The following MAGI1 variants were observed in gnomAD, a reference collection of about 807,000 sequenced individuals.
The protein encoded by MAGI1 is membrane associated guanylate kinase, WW and PDZ domain containing 1.
Under a neutral mutation model 139.9 loss-of-function variants are expected in MAGI1, and 58 were observed. That is an observed-to-expected ratio of 0.41 (90% CI 0.34 to 0.52). MAGI1 has a LOEUF of 0.52. MAGI1 is among the 20% of genes least tolerant of loss of function. MAGI1 has a pLI of 0.12. For missense variants in MAGI1, 1,874 were observed against 1,901.6 expected (o/e 0.99, Z 0.27); for synonymous variants, 812 against 737.9 (o/e 1.10, Z -1.63).
At chr3:65,987,256 C>T (rs1560084986) in intron 1 of MAGI1, among the ~76,000 whole-genome samples, 1 of 152,198 alleles carries the variant, frequency 6.6e-6, no homozygotes, top group Non-Finnish European at 1.5e-5. Flanking sequence ...AGAGCTTGAA[C>T]TCTGCTATTC....
intron 8 of MAGI1, among the ~76,000 whole-genome samples, chr3:65,442,482 C>CTCATTCATTCAT (rs59209688): frequency 5.3e-5 from 8 of 150,964 alleles, no homozygotes; most frequent in African/African-American, 1.9e-4. Context: ...CCTGGCTTTT[C>CTCATTCATTCAT]TCATTCATTC....
intron 5 of MAGI1, among the ~76,000 whole-genome samples, chr3:65,466,295 A>G (rs533798681): frequency 2.0e-5 from 3 of 152,264 alleles, no homozygotes; most frequent in South Asian, 2.1e-4. Flanking sequence ...TCTTAGGATA[A>G]TAAGTGATTT....
intron 1 of MAGI1, among the ~76,000 whole-genome samples, chr3:65,842,745 C>T (rs2058850852): frequency 6.6e-6 from 1 of 152,146 alleles, no homozygotes; most frequent in African/African-American, 2.4e-5. Context: ...TAATTTGTTC[C>T]TTCCTTTCTT....
intron 1 of MAGI1, among the ~76,000 whole-genome samples, chr3:65,756,729 G>A (rs555822502): frequency 4.4e-4 from 67 of 152,152 alleles, no homozygotes; most frequent in African/African-American, 1.5e-3. Flanking sequence ...TGACATATTC[G>A]GAAGTCATCA....
At position 65,636,849 on chromosome 3, in the gene MAGI1, T is replaced by A. The variant is rs145531245; in HGVS notation, c.314-14761A>T. 9.1e-3 allele frequency among the ~76,000 whole-genome samples: 1,387 copies of A among 152,274 alleles called. 26 individuals are homozygous for A. Among genetic ancestry groups the A allele is most frequent in the African/African-American group, 0.032 (1,316 of 41,562 alleles). ...AAAAATCCTGGCACTTGCCATCAAATAGGAAAGACCTCAATGAATTCCAAG... is the reference window on the plus strand; with the variant it reads ...AAAAATCCTGGCACTTGCCATCAAAAAGGAAAGACCTCAATGAATTCCAAG... On this transcript the variant is annotated intron_variant, in intron 1 of 22. Coordinates refer to ENST00000402939, the MANE Select transcript of MAGI1 (RefSeq NM_001033057.2).
At chr3:65,494,331 T>G (rs1216216712) in intron 2 of MAGI1, among the ~76,000 whole-genome samples, 1 of 152,176 alleles carries the variant, frequency 6.6e-6, no homozygotes, top group African/African-American at 2.4e-5. Flanking sequence ...AATGTAACGC[T>G]TCCTCTTATG....
intron 1 of MAGI1, among the ~76,000 whole-genome samples, chr3:65,675,490 T>C (rs2087130830): frequency 1.3e-5 from 2 of 152,162 alleles, no homozygotes; most frequent in Non-Finnish European, 2.9e-5. Context: ...AATTATTTAT[T>C]AGAGAACTTG....
Position 65,357,110 on chromosome 3 carries a change from G to C in MAGI1, c.3657C>G (p.Gly1219=), listed in dbSNP as rs764182268. The change falls in exon 23 of 23, where the codon GGC becomes GGG. Residue 1219 remains glycine, a synonymous_variant. Coordinates refer to ENST00000402939, the MANE Select transcript of MAGI1 (RefSeq NM_001033057.2). Reference sequence around the variant, plus strand: ...GAACACCTTGTGGACCGGTGGCGGGGCCGTGGCGGTCGCTGCTGGGGTCTG... The same window carrying C: ...GAACACCTTGTGGACCGGTGGCGGGCCCGTGGCGGTCGCTGCTGGGGTCTG... ...PEYDPSSDRH[G]PATGPQGVPE... The C allele has an allele frequency of 5.0e-6, 8 of 1,612,462 alleles. No individual in the cohort carries two copies. The highest frequency in any genetic ancestry group is 1.1e-5 in the South Asian group (1 of 90,942).
intron 9 of MAGI1, 87 bp downstream of exon 9, chr3:65,439,792 C>A (rs773467774): frequency 6.3e-6 from 10 of 1,592,492 alleles, no homozygotes; most frequent in Non-Finnish European, 6.8e-6. Flanking sequence ...ATCATCGAGG[C>A]CAGTTCTGAC....
At chr3:65,958,606 A>G (rs973101981) in intron 1 of MAGI1, among the ~76,000 whole-genome samples, 3 of 152,234 alleles carry the variant, frequency 2.0e-5, no homozygotes, top group Admixed American at 1.3e-4. Flanking sequence ...TTAACTTCCA[A>G]AAGTCGTACA....
At chr3:65,779,762 A>G (rs1030964792) in intron 1 of MAGI1, among the ~76,000 whole-genome samples, 2 of 152,214 alleles carry the variant, frequency 1.3e-5, no homozygotes, top group African/African-American at 4.8e-5. Context: ...TGATTCCTTA[A>G]GGTCTCCAAA....
At chr3:65,518,091 G>A (rs2077986773) in intron 2 of MAGI1, among the ~76,000 whole-genome samples, 1 of 152,134 alleles carries the variant, frequency 6.6e-6, no homozygotes, top group South Asian at 2.1e-4. Flanking sequence ...CATATTAGGT[G>A]CTGAATAAAC....
At chr3:65,680,000 T>G (rs922584076) in intron 1 of MAGI1, among the ~76,000 whole-genome samples, 1 of 152,180 alleles carries the variant, frequency 6.6e-6, no homozygotes, top group Non-Finnish European at 1.5e-5. Flanking sequence ...GATGAAGGCA[T>G]ACAGGGTCCT....
intron 2 of MAGI1, among the ~76,000 whole-genome samples, chr3:65,543,514 A>G (rs2107920996): frequency 6.6e-6 from 1 of 152,338 alleles, no homozygotes; most frequent in South Asian, 2.1e-4. Context: ...ATGCCCATCA[A>G]TGATAGACTG....
At chr3:65,532,478 C>G (rs2078758512) in intron 2 of MAGI1, among the ~76,000 whole-genome samples, 1 of 152,182 alleles carries the variant, frequency 6.6e-6, no homozygotes. Context: ...CTAGACATAA[C>G]CAAACAATTA....
chr3:65,784,048 G>A (rs533411024), intron 1 of MAGI1, among the ~76,000 whole-genome samples: 33 of 151,966 alleles, frequency 2.2e-4, no homozygotes, highest in African/African-American at 7.2e-4. Flanking sequence ...CCTTGAACCT[G>A]GGAGGTGGAG....
At chr3:65,368,115 T>C (rs957802672) in intron 18 of MAGI1, among the ~76,000 whole-genome samples, 3 of 152,142 alleles carry the variant, frequency 2.0e-5, no homozygotes, top group African/African-American at 7.2e-5. Context: ...GATGAGCCCA[T>C]TATAAAAAAG....
At chr3:65,959,364 A>G (rs1389415909) in intron 1 of MAGI1, among the ~76,000 whole-genome samples, 1 of 152,164 alleles carries the variant, frequency 6.6e-6, no homozygotes, top group African/African-American at 2.4e-5. Flanking sequence ...TTAATTCAGT[A>G]CAAAGAACAT....
chr3:65,732,726 T>C (rs1040220813), intron 1 of MAGI1, among the ~76,000 whole-genome samples: 5 of 152,224 alleles, frequency 3.3e-5, no homozygotes, highest in Non-Finnish European at 7.3e-5. Flanking sequence ...TACATCACAA[T>C]TAAGCAAAAG....
Sources: gnomAD v4.1 joint callset for allele counts (sites outside exome capture counted in the v4.1 genomes callset) on GRCh38, gnomAD v4.1.1 for gene constraint, MANE v1.5 for transcripts, NCBI Gene and HGNC (gene_info 2026-07-23, HGNC 2026-07-21) for gene names.